Variants in KLF12 observed in about 807,000 individuals in gnomAD.
KLF12 encodes KLF transcription factor 12.
A neutral mutation model predicts 37.8 loss-of-function variants in KLF12; 9 were observed. The observed-to-expected ratio is 0.24, with a 90% CI of 0.14 to 0.42. The LOEUF is 0.42. Among genes scored for constraint, KLF12 ranks in the 10% least tolerant of loss-of-function variants. The pLI is 1.00. For synonymous variants in KLF12, 208 were observed against 202.1 expected, an observed-to-expected ratio of 1.03 and a Z score of -0.25; for missense variants, 411 against 516.0, an observed-to-expected ratio of 0.80 and a Z score of 1.97.
chr13:73,843,761 T>C (rs534723131), intron 4 of KLF12, among the ~76,000 whole-genome samples: 37 of 152,288 alleles, frequency 2.4e-4, no homozygotes, highest in Middle Eastern at 6.8e-3. Flanking sequence ...AATTCATACA[T>C]CCTTGATCCC....
intron 3 of KLF12, among the ~76,000 whole-genome samples, chr13:73,847,436 T>TAGCA: frequency 6.6e-6 from 1 of 152,208 alleles, no homozygotes; most frequent in Non-Finnish European, 1.5e-5. Context: ...TTTGGTGTGC[T>TAGCA]ATTCCCCCTA....
intron 1 of KLF12, among the ~76,000 whole-genome samples, chr13:74,117,193 T>C (rs1156371802): frequency 6.6e-6 from 1 of 152,208 alleles, no homozygotes; most frequent in Non-Finnish European, 1.5e-5. Context: ...CCATGGTTTC[T>C]AGATATCATT....
At chr13:73,968,580 C>T (rs75158768) in intron 2 of KLF12, among the ~76,000 whole-genome samples, 12,150 of 152,208 alleles carry the variant, frequency 0.08, 674 homozygotes, top group Non-Finnish European at 0.12. Context: ...AATGAATACT[C>T]TCATCTTGGG....
At chr13:74,268,711 T>C in the KLF12 span, among the ~76,000 whole-genome samples, 1 of 152,328 alleles carries the variant, frequency 6.6e-6, no homozygotes, top group Non-Finnish European at 1.5e-5. Flanking sequence ...AATTTTATGC[T>C]TTTCAGGTTA....
intron 1 of KLF12, among the ~76,000 whole-genome samples, chr13:74,041,960 G>T (rs1436619062): frequency 6.6e-6 from 1 of 152,102 alleles, no homozygotes; most frequent in African/African-American, 2.4e-5. Flanking sequence ...ACAAGTGTTT[G>T]CTATTAACAT....
chr13:74,140,873 G>GA, the KLF12 span, among the ~76,000 whole-genome samples: 2 of 152,122 alleles, frequency 1.3e-5, no homozygotes, highest in African/African-American at 4.8e-5. Context: ...CTAACATGGT[G>GA]AAACCCCATC....
the KLF12 span, among the ~76,000 whole-genome samples, chr13:74,170,596 G>T: frequency 6.6e-6 from 1 of 152,082 alleles, no homozygotes; most frequent in Non-Finnish European, 1.5e-5. Context: ...ATCAATCTTT[G>T]TAGTTAGCAT....
chr13:74,210,086 A>G, the KLF12 span, among the ~76,000 whole-genome samples: 2 of 152,192 alleles, frequency 1.3e-5, no homozygotes, highest in African/African-American at 4.8e-5. Context: ...TATAAAACAG[A>G]TACCTGGCAA....
At chr13:73,947,277 T>G (rs764835587) in intron 2 of KLF12, among the ~76,000 whole-genome samples, 1 of 152,210 alleles carries the variant, frequency 6.6e-6, no homozygotes, top group East Asian at 1.9e-4. Flanking sequence ...AAATCATCCA[T>G]AGAATTTGTT....
chr13:74,238,109 G>A, the KLF12 span, among the ~76,000 whole-genome samples: 7 of 134,264 alleles, frequency 5.2e-5, no homozygotes, highest in Non-Finnish European at 1.0e-4. Flanking sequence ...TTTGAAATAT[G>A]TCCCATCAAT....
chr13:74,221,153 G>A, the KLF12 span, among the ~76,000 whole-genome samples: 5 of 151,552 alleles, frequency 3.3e-5, no homozygotes, highest in African/African-American at 1.2e-4. Context: ...TACAAGCACC[G>A]CCGCCACCAC....
chr13:74,126,371 G>A (rs1877942654), intron 1 of KLF12, among the ~76,000 whole-genome samples: 2 of 152,118 alleles, frequency 1.3e-5, no homozygotes, highest in Non-Finnish European at 2.9e-5. Flanking sequence ...CATTCTCACA[G>A]ACAAAAGGAA....
chr13:74,105,033 C>G (rs960897559), intron 1 of KLF12, among the ~76,000 whole-genome samples: 1 of 152,100 alleles, frequency 6.6e-6, no homozygotes, highest in Admixed American at 6.5e-5. Context: ...AGTTGGGTCA[C>G]CATTACATTC....
intron 1 of KLF12, among the ~76,000 whole-genome samples, chr13:74,025,318 A>C (rs1435465199): frequency 7.4e-6 from 1 of 135,488 alleles, no homozygotes; most frequent in Admixed American, 7.2e-5. Context: ...TAATTCTACA[A>C]AAAAAAAAAA....
intron 2 of KLF12, among the ~76,000 whole-genome samples, chr13:73,963,359 C>T (rs1237223319): frequency 6.6e-6 from 1 of 151,386 alleles, no homozygotes; most frequent in Non-Finnish European, 1.5e-5. Flanking sequence ...TATACACACA[C>T]ACACACACAC....
chr13:74,104,239 G>A (rs1034479087), intron 1 of KLF12, among the ~76,000 whole-genome samples: 6 of 152,264 alleles, frequency 3.9e-5, no homozygotes, highest in East Asian at 1.9e-4. Context: ...GTAGTGCACC[G>A]TTATTCCTCT....
intron 2 of KLF12, among the ~76,000 whole-genome samples, chr13:73,962,826 A>G (rs1891060641): frequency 6.6e-6 from 1 of 152,224 alleles, no homozygotes; most frequent in African/African-American, 2.4e-5. Context: ...TAATATTTAG[A>G]CATATGTAAA....
At chr13:74,054,453 C>A (rs1041870808) in intron 1 of KLF12, among the ~76,000 whole-genome samples, 1 of 152,096 alleles carries the variant, frequency 6.6e-6, no homozygotes, top group Non-Finnish European at 1.5e-5. Flanking sequence ...TGTAGAGGAC[C>A]AAGCCCGAGA....
intron 4 of KLF12, among the ~76,000 whole-genome samples, chr13:73,835,634 G>T (rs1260261263): frequency 6.6e-6 from 1 of 152,080 alleles, no homozygotes; most frequent in Non-Finnish European, 1.5e-5. Flanking sequence ...GAGATGCAGT[G>T]GGGTCTCTCT....
Sources: gnomAD v4.1 joint callset for allele counts (sites outside exome capture counted in the v4.1 genomes callset) on GRCh38, gnomAD v4.1.1 for gene constraint, MANE v1.5 for transcripts, NCBI Gene and HGNC (gene_info 2026-07-23, HGNC 2026-07-21) for gene names.